The following PALM2AKAP2 variants were observed in gnomAD, a reference collection of about 807,000 sequenced individuals.
The protein encoded by PALM2AKAP2 is PALM2 and AKAP2 fusion.
Under a neutral mutation model 71.5 loss-of-function variants are expected in PALM2AKAP2, and 37 were observed. That is an observed-to-expected ratio of 0.52 (90% CI 0.40 to 0.68). The LOEUF is 0.68. Ranked by LOEUF, PALM2AKAP2 falls within the 30% of genes least tolerant of loss-of-function variation. The pLI is 0.00. For missense variants in PALM2AKAP2, 1,224 were observed against 1,191.8 expected (o/e 1.03, Z -0.40); for synonymous variants, 468 against 478.8 (o/e 0.98, Z 0.29).
chr9:109,690,279 A>G (rs1827864525), intron 1 of PALM2AKAP2, among the ~76,000 whole-genome samples: 1 of 152,236 alleles, frequency 6.6e-6, no homozygotes, highest in Non-Finnish European at 1.5e-5. Context: ...GAAAGAAATC[A>G]GCTGTAGGTA....
intron 1 of PALM2AKAP2, among the ~76,000 whole-genome samples, chr9:109,840,361 T>C (rs1468164207): frequency 2.0e-5 from 3 of 152,138 alleles, no homozygotes; most frequent in African/African-American, 7.2e-5. Flanking sequence ...ATACAAAAAT[T>C]AATTCAAGAT....
At chr9:110,124,286 T>C (rs1835550477) in intron 1 of PALM2AKAP2, among the ~76,000 whole-genome samples, 1 of 152,098 alleles carries the variant, frequency 6.6e-6, no homozygotes, top group East Asian at 1.9e-4. Flanking sequence ...TTTCAGCTGC[T>C]CACCAGGACA....
intron 1 of PALM2AKAP2, among the ~76,000 whole-genome samples, chr9:109,801,912 G>A (rs1194005460): frequency 6.6e-6 from 1 of 152,200 alleles, no homozygotes; most frequent in Non-Finnish European, 1.5e-5. Context: ...CTGGACTAAT[G>A]AGAGGGACCA....
chr9:109,810,415 T>A (rs528974449), intron 1 of PALM2AKAP2, among the ~76,000 whole-genome samples: 1 of 152,216 alleles, frequency 6.6e-6, no homozygotes, highest in South Asian at 2.1e-4. Context: ...TTTAAGAAAG[T>A]ATTTCTAGAA....
At chr9:109,922,874 T>C (rs1457698702) in intron 3 of PALM2AKAP2, among the ~76,000 whole-genome samples, 1 of 152,206 alleles carries the variant, frequency 6.6e-6, no homozygotes, top group African/African-American at 2.4e-5. Flanking sequence ...ACTAGGTTAC[T>C]TCACCTTGCC....
intron 1 of PALM2AKAP2, among the ~76,000 whole-genome samples, chr9:109,752,076 C>T (rs1828894417): frequency 1.3e-5 from 2 of 152,080 alleles, no homozygotes; most frequent in South Asian, 4.2e-4. Flanking sequence ...TTATTGAGCA[C>T]CTACTATGTA....
chr9:110,050,069 T>C (rs977493565), intron 1 of PALM2AKAP2, among the ~76,000 whole-genome samples: 5 of 152,206 alleles, frequency 3.3e-5, no homozygotes, highest in South Asian at 2.1e-4. Context: ...CTTTGACATA[T>C]CACTACCCTT....
At position 109,803,490 on chromosome 9, in the gene PALM2AKAP2, C is replaced by T. The variant is rs189013535; in HGVS notation, c.45+22957C>T. Among the ~76,000 whole-genome samples the T allele has an allele frequency of 2.1e-3, 323 of 152,284 alleles. 1 individual carries two copies. Among genetic ancestry groups the T allele is most frequent in the South Asian group, 7.1e-3 (34 of 4,816 alleles). On this transcript the variant is annotated intron_variant, in intron 1 of 9. Transcript: ENST00000302798. The stretch of plus-strand genomic sequence containing the variant: ...CTAGGAGCCCTCAAGATCATCTAGA[C>T]CCACGCTGGAAAGAGGTCTACCTTG...
chr9:110,059,555 T>C (rs1833917321), intron 1 of PALM2AKAP2, among the ~76,000 whole-genome samples: 1 of 152,226 alleles, frequency 6.6e-6, no homozygotes, highest in South Asian at 2.1e-4. Context: ...CTATGCATCA[T>C]CTTTTTATAA....
chr9:109,698,364 G>A (rs1376119947), intron 1 of PALM2AKAP2, among the ~76,000 whole-genome samples: 5 of 144,202 alleles, frequency 3.5e-5, no homozygotes, highest in Admixed American at 7.3e-5. Flanking sequence ...AGCAACCTCC[G>A]CCTCTCGGGT....
intron 1 of PALM2AKAP2, among the ~76,000 whole-genome samples, chr9:109,672,010 CTA>C (rs1328537888): frequency 6.6e-6 from 1 of 152,070 alleles, no homozygotes; most frequent in Non-Finnish European, 1.5e-5. Context: ...TTGGCTGAGA[CTA>C]TGTGGTTTTC....
At chr9:109,769,907 C>T (rs952834198) in intron 1 of PALM2AKAP2, among the ~76,000 whole-genome samples, 3 of 151,946 alleles carry the variant, frequency 2.0e-5, no homozygotes, top group Admixed American at 6.6e-5. Context: ...GGTACCTTCT[C>T]GGGGAGATCG....
At chr9:109,999,559 C>T (rs1176760580) in intron 6 of PALM2AKAP2, among the ~76,000 whole-genome samples, 1 of 152,126 alleles carries the variant, frequency 6.6e-6, no homozygotes, top group African/African-American at 2.4e-5. Context: ...CTTCGGCACT[C>T]TCTGAAGCTC....
chr9:109,961,740 G>A (rs1415395062), intron 6 of PALM2AKAP2, among the ~76,000 whole-genome samples: 2 of 152,214 alleles, frequency 1.3e-5, no homozygotes, highest in African/African-American at 4.8e-5. Flanking sequence ...TGAGGGCACG[G>A]CAAGACTCCT....
At chr9:109,667,329 C>T (rs1394968621) in intron 1 of PALM2AKAP2, among the ~76,000 whole-genome samples, 1 of 152,116 alleles carries the variant, frequency 6.6e-6, no homozygotes, top group East Asian at 1.9e-4. Flanking sequence ...GAACGAGTAC[C>T]TAGCTGTAGG....
intron 6 of PALM2AKAP2, chr9:109,943,603 C>T: frequency 1.3e-6 from 1 of 792,124 alleles, no homozygotes. Context: ...AGACAACGTG[C>T]ATGTGTGTGC....
chr9:110,167,053 G>A (rs1351749055), intron 3 of PALM2AKAP2, among the ~76,000 whole-genome samples: 1 of 152,208 alleles, frequency 6.6e-6, no homozygotes, highest in Middle Eastern at 3.2e-3. Context: ...AAGACAGTGT[G>A]TGCAGGGGAA....
intron 7 of PALM2AKAP2, chr9:110,025,207 C>G: frequency 7.9e-7 from 1 of 1,265,752 alleles, no homozygotes; most frequent in Non-Finnish European, 1.1e-6. Context: ...GTGGGGCATT[C>G]CTTTTTGAAC....
At chr9:110,156,591 T>C in intron 3 of PALM2AKAP2, 94 bp downstream of exon 9, 4 of 1,421,232 alleles carry the variant, frequency 2.8e-6, no homozygotes, top group Non-Finnish European at 3.7e-6. Flanking sequence ...TGTATGTCGT[T>C]GTCTGGTCAG....
Sources: allele counts gnomAD v4.1 joint callset (sites outside exome capture counted in the v4.1 genomes callset), GRCh38; gene constraint gnomAD v4.1.1; transcripts MANE v1.5; gene names NCBI Gene and HGNC (gene_info 2026-07-23, HGNC 2026-07-21).